The following ATP2B3 variants were observed in gnomAD, a reference collection of about 807,000 sequenced individuals.
ATP2B3 encodes the protein plasma membrane calcium-transporting ATPase 3.
A neutral mutation model predicts 70.8 loss-of-function variants in ATP2B3; 12 were observed. The ratio of observed to expected loss-of-function variants is 0.17; its 90% CI spans 0.11 to 0.27. The LOEUF (loss-of-function observed/expected upper bound fraction) is 0.27. Among genes scored for constraint, ATP2B3 ranks in the 10% least tolerant of loss-of-function variants. ATP2B3 has a pLI of 1.00. For missense variants in ATP2B3, 858 were observed against 1,118.5 expected (o/e 0.77, Z 3.32); for synonymous variants, 460 against 497.8 (o/e 0.92, Z 1.01).
At chrX:153,542,197 G>A (rs782331113) in intron 5 of ATP2B3, 126 bp from the exon 6 acceptor site, 32 of 1,038,663 alleles carry the variant, frequency 3.1e-5, no homozygotes, top group African/African-American at 1.1e-4. Context: ...AAATGTCCTC[G>A]TTCCCCAGAA....
intron 9 of ATP2B3, 94 bp from the exon 10 acceptor site, chrX:153,548,546 C>G (rs781789076): frequency 3.6e-6 from 3 of 826,875 alleles, no homozygotes; most frequent in African/African-American, 2.0e-5. Flanking sequence ...CAAATGCCTC[C>G]GAGACCGTGT....
At chrX:153,529,680 T>C (rs1379559284) in intron 2 of ATP2B3, among the ~76,000 whole-genome samples, 1 of 112,293 alleles carries the variant, frequency 8.9e-6, no homozygotes, top group African/African-American at 3.2e-5. Context: ...CTTGTTCGTC[T>C]TCCCAAACTG....
rs1569534813 is a variant in ATP2B3, at chrX:153,553,069, C to T, written c.1858C>T (p.Arg620Trp). The T allele has an allele frequency of 1.7e-6, 2 of 1,207,896 alleles. No individual in the cohort carries two copies. The highest frequency in any genetic ancestry group is 1.1e-6 in the Non-Finnish European group (1 of 892,283). ...CATCTTGAACAGCAATGGCGAACTC[C>T]GGGGCTTTCGGCCTCGGGACCGGGA... ...TNILNSNGEL[R>W]GFRPRDRDDM... is the part of the protein sequence containing the mutation. The change falls in exon 13 of 22, where the codon CGG becomes TGG. Residue 620 changes from arginine (R) to tryptophan (W), a missense_variant. Physicochemically the swap from Arg to Trp is moderately radical, Grantham distance 101. Around this residue, in one of 5 missense-constraint regions of ATP2B3, gnomAD observed 242 missense variants for 281.3 expected, o/e 0.86. Coordinates refer to ENST00000263519, the MANE Select transcript of ATP2B3 (RefSeq NM_001001344.3).
Position 153,553,156 on chromosome X carries a change from G to A in ATP2B3, c.1945G>A (p.Ala649Thr), listed in dbSNP as rs782329879. ...ACDGLRTICI[A>T]YRDFSAGQEP... ...CGATGGCCTCCGCACCATCTGCATC[G>A]CCTACCGGGACTTCTCTGCAGGCCA... Residue 649 changes from alanine to threonine, a missense_variant, in exon 13 of 22, where the codon GCC (alanine) becomes ACC (threonine). By Grantham distance (58) the Ala-to-Thr change is moderately conservative. Coordinates refer to ENST00000263519, the MANE Select transcript of ATP2B3 (RefSeq NM_001001344.3). 16 of 1,209,996 alleles carry A rather than the reference G, an allele frequency of 1.3e-5. No individual in the cohort carries two copies. Among genetic ancestry groups the A allele is most frequent in the Admixed American group, 6.5e-5 (3 of 45,844 alleles).
intron 2 of ATP2B3, among the ~76,000 whole-genome samples, chrX:153,529,223 G>C (rs2090077755): frequency 8.9e-6 from 1 of 111,960 alleles, no homozygotes; most frequent in African/African-American, 3.2e-5. Flanking sequence ...CAGTGGTGAT[G>C]GCCTCTCTCC....
intron 2 of ATP2B3, among the ~76,000 whole-genome samples, chrX:153,529,847 G>A (rs1218237164): frequency 8.9e-6 from 1 of 111,735 alleles, no homozygotes; most frequent in Non-Finnish European, 1.9e-5. Context: ...TCCTTCTACT[G>A]AGTCCAACGT....
At chrX:153,569,705 A>G (rs782243243) in intron 21 of ATP2B3, 8 of 1,208,520 alleles carry the variant, frequency 6.6e-6, no homozygotes, top group Non-Finnish European at 7.8e-6. Flanking sequence ...CAATCTTTCT[A>G]CCCCTACTCA....
chrX:153,564,835 C>T (rs1376504263), intron 20 of ATP2B3, 86 bp from the exon 21 acceptor site: 1 of 944,743 alleles, frequency 1.1e-6, no homozygotes, highest in East Asian at 3.5e-5. Context: ...AGAAGGAGGC[C>T]GGCGTCTCCC....
At chrX:153,557,170 C>T in intron 16 of ATP2B3, 147 bp downstream of exon 16, 1 of 575,841 alleles carries the variant, frequency 1.7e-6, no homozygotes, top group Non-Finnish European at 2.7e-6. Context: ...ATCCTGGCCA[C>T]TTGGGCCTGC....
At chrX:153,555,240 G>A (rs905153155) in intron 13 of ATP2B3, among the ~76,000 whole-genome samples, 5 of 110,665 alleles carry the variant, frequency 4.5e-5, no homozygotes, top group Non-Finnish European at 9.5e-5. Flanking sequence ...CTCAGGGGGC[G>A]CCAGGATTCA....
At chrX:153,531,812 G>A (rs1307278285) in intron 2 of ATP2B3, among the ~76,000 whole-genome samples, 1 of 112,809 alleles carries the variant, frequency 8.9e-6, no homozygotes, top group Non-Finnish European at 1.9e-5. Context: ...AACTGAAGGG[G>A]TGCTCGACTG....
intron 9 of ATP2B3, 83 bp downstream of exon 9, chrX:153,548,082 G>A (rs1557009553): frequency 9.1e-7 from 1 of 1,104,949 alleles, no homozygotes; most frequent in African/African-American, 1.8e-5. Context: ...CCCAGGCTGT[G>A]TAGAGCAGGT....
At chrX:153,525,013 G>A (rs1199977237) in intron 2 of ATP2B3, among the ~76,000 whole-genome samples, 1 of 112,114 alleles carries the variant, frequency 8.9e-6, no homozygotes, top group Non-Finnish European at 1.9e-5. Context: ...TGGGAGGCGG[G>A]TGTGGGCAGT....
At chrX:153,532,891 T>C (rs2090138012) in intron 2 of ATP2B3, 1 of 112,030 alleles carries the variant, frequency 8.9e-6, no homozygotes, top group Non-Finnish European at 1.9e-5. Flanking sequence ...CAGGCTTATA[T>C]AGAACCCAGA....
At chrX:153,565,309 C>A (rs1198467342) in intron 21 of ATP2B3, among the ~76,000 whole-genome samples, 1 of 113,460 alleles carries the variant, frequency 8.8e-6, no homozygotes, top group African/African-American at 3.2e-5. Flanking sequence ...CTGAGATCGC[C>A]TCTCCCTGAC....
In ATP2B3 at chrX:153,553,201, G is replaced by A. The variant is rs782078554; in HGVS notation, c.1990G>A (p.Glu664Lys). Residue 664 changes from glutamate (E) to lysine (K), a missense_variant, in exon 13 of 22, where the codon GAG (glutamate) becomes AAG (lysine). Glu to Lys is a moderately conservative substitution (Grantham distance 56, BLOSUM62 1). This residue lies in a region of ATP2B3 where 242 missense variants were observed against 281.3 expected (regional missense o/e 0.86). Transcript: ENST00000263519. ...AGGCCAGGAGCCCGACTGGGACAAC[G>A]AGAATGAGGTCGTGGGTGACCTCAC... Reference protein sequence around the residue: ...SAGQEPDWDNENEVVGDLTCI... With the variant: ...SAGQEPDWDNKNEVVGDLTCI... 1.7e-6 allele frequency: 2 copies of A among 1,211,816 alleles called. No individual in the cohort carries two copies. Among genetic ancestry groups the A allele is most frequent in the Non-Finnish European group, 2.2e-6 (2 of 895,461 alleles).
chrX:153,547,934 C>G lies in ATP2B3; in HGVS notation c.1058C>G (p.Pro353Arg). 1 of 1,210,518 alleles carries G rather than the reference C, an allele frequency of 8.3e-7. No homozygotes were observed. The highest frequency in any genetic ancestry group is 1.8e-5 in the South Asian group (1 of 56,764). ...CGGGAGAAGAAGAAAGCCAACGCACCCAAAAAGGAGAAGTCTGTCCTTCAG... is the reference window on the plus strand; with the variant it reads ...CGGGAGAAGAAGAAAGCCAACGCACGCAAAAAGGAGAAGTCTGTCCTTCAG... ...EEREKKKANA[P>R]KKEKSVLQGK... The change falls in exon 9 of 22, where the codon CCC (proline) becomes CGC (arginine). Residue 353 changes from proline to arginine, a missense_variant. Pro to Arg is a moderately radical substitution (Grantham distance 103, BLOSUM62 -2). Transcript: ENST00000263519.
At position 153,553,122 on chromosome X, in the gene ATP2B3, G is replaced by T. The variant is rs189723972; in HGVS notation, c.1911G>T (p.Pro637=). The part of the protein sequence containing the change: ...RDDMVRKIIE[P]MACDGLRTIC... ...ACATGGTGAGGAAGATCATCGAGCC[G>T]ATGGCTTGCGATGGCCTCCGCACCA... The change falls in exon 13 of 22, where the codon CCG becomes CCT. Residue 637 remains proline (P), a synonymous_variant. Transcript: ENST00000263519. The T allele has an allele frequency of 8.3e-7, 1 of 1,210,088 alleles. No homozygotes were observed. Among genetic ancestry groups the T allele is most frequent in the Non-Finnish European group, 1.1e-6 (1 of 894,096 alleles).
At chrX:153,532,054 G>A (rs782038864) in intron 2 of ATP2B3, among the ~76,000 whole-genome samples, 20 of 110,642 alleles carry the variant, frequency 1.8e-4, no homozygotes, top group Non-Finnish European at 2.4e-4. Context: ...CACATGGAAG[G>A]CAGGGCTGGG....
Sources: allele counts gnomAD v4.1 joint callset (sites outside exome capture counted in the v4.1 genomes callset), GRCh38; gene constraint gnomAD v4.1.1; regional missense constraint gnomAD v4.1.1; transcripts MANE v1.5; gene names NCBI Gene and HGNC (gene_info 2026-07-23, HGNC 2026-07-21).